EFHC2: variants seen among roughly 807,000 people sequenced by gnomAD.
EFHC2 encodes EF-hand domain-containing family member C2.
In EFHC2, 18 loss-of-function variants were observed where a neutral mutation model predicts 52.7. That is an observed-to-expected ratio of 0.34 (90% CI 0.24 to 0.51). The LOEUF (loss-of-function observed/expected upper bound fraction) is 0.51. EFHC2 is among the 20% of genes least tolerant of loss of function. The probability of loss-of-function intolerance (pLI) is 0.97; values close to 1 mark genes in which losing one functional copy is unlikely to be tolerated. For synonymous variants in EFHC2, 203 were observed against 204.1 expected (o/e 0.99, Z 0.04); for missense variants, 513 against 562.5 (o/e 0.91, Z 0.89).
chrX:44,180,071 G>A (rs1046619135), intron 11 of EFHC2, among the ~76,000 whole-genome samples: 3 of 111,618 alleles, frequency 2.7e-5, no homozygotes, highest in Admixed American at 1.9e-4. Flanking sequence ...ATGTGAACCC[G>A]TGTAGTCTGG....
At chrX:44,333,372 T>C (rs1268254454) in intron 1 of EFHC2, among the ~76,000 whole-genome samples, 1 of 110,905 alleles carries the variant, frequency 9.0e-6, no homozygotes, top group Non-Finnish European at 1.9e-5. Context: ...ATGAGGATGC[T>C]GCTATCAGGC....
At chrX:44,234,048 C>T (rs1447828222) in intron 9 of EFHC2, among the ~76,000 whole-genome samples, 1 of 112,089 alleles carries the variant, frequency 8.9e-6, no homozygotes, top group South Asian at 3.7e-4. Flanking sequence ...TACAGTCTGA[C>T]AGCTCTCCCA....
chrX:44,214,027 C>T (rs1158916491), intron 11 of EFHC2, among the ~76,000 whole-genome samples: 1 of 110,817 alleles, frequency 9.0e-6, no homozygotes, highest in Non-Finnish European at 1.9e-5. Context: ...ACTTCCAAAA[C>T]CAAAATGCAA....
intron 14 of EFHC2, among the ~76,000 whole-genome samples, chrX:44,156,565 C>T (rs766320582): frequency 3.0e-4 from 33 of 111,817 alleles, no homozygotes; most frequent in African/African-American, 1.0e-3. Context: ...TACCCAACTG[C>T]CCCCTACTTC....
intron 1 of EFHC2, among the ~76,000 whole-genome samples, chrX:44,318,123 C>A (rs1222749082): frequency 8.9e-6 from 1 of 112,227 alleles, no homozygotes; most frequent in Non-Finnish European, 1.9e-5. Flanking sequence ...GTGGAAACAT[C>A]CCAAATGTCT....
intron 3 of EFHC2, among the ~76,000 whole-genome samples, chrX:44,264,648 T>C (rs1243889045): frequency 8.9e-6 from 1 of 112,459 alleles, no homozygotes; most frequent in Non-Finnish European, 1.9e-5. Context: ...TCCATATTAA[T>C]CAGAAAACCA....
intron 7 of EFHC2, among the ~76,000 whole-genome samples, chrX:44,247,451 A>G (rs994849679): frequency 3.6e-5 from 4 of 111,744 alleles, no homozygotes; most frequent in African/African-American, 9.8e-5. Context: ...TCCAAGGTTC[A>G]GAAAGAAGTA....
At chrX:44,190,940 C>A (rs1248561295) in intron 11 of EFHC2, among the ~76,000 whole-genome samples, 1 of 111,492 alleles carries the variant, frequency 9.0e-6, no homozygotes, top group Non-Finnish European at 1.9e-5. Context: ...CTGGGACAGG[C>A]TCCAGCCACC....
At chrX:44,184,754 C>T (rs1263177556) in intron 11 of EFHC2, among the ~76,000 whole-genome samples, 1 of 108,623 alleles carries the variant, frequency 9.2e-6, no homozygotes, top group Non-Finnish European at 1.9e-5. Context: ...AGTGTGACCC[C>T]TTCCTCTACA....
In EFHC2 at chrX:44,148,082, T is replaced by G. The variant is rs1246538954; in HGVS notation, c.*713A>C. The G allele has an allele frequency of 3.6e-5, 4 of 111,319 alleles. No individual in the cohort carries two copies. Among genetic ancestry groups the G allele is most frequent in the Non-Finnish European group, 7.5e-5 (4 of 53,071 alleles). 9.2% of individuals were successfully genotyped at this position (111,319 alleles called of 1,213,427 possible). ...ATCTCAAAATCTTCAGCTTTCACATTTGTAAATATTTTAGACATAATAAAG... is the reference window on the plus strand; with the variant it reads ...ATCTCAAAATCTTCAGCTTTCACATGTGTAAATATTTTAGACATAATAAAG... On this transcript the variant is annotated 3_prime_UTR_variant, in exon 15 of 15. Coordinates refer to ENST00000420999, the MANE Select transcript of EFHC2 (RefSeq NM_025184.4).
chrX:44,162,341 T>G (rs1339987050), intron 14 of EFHC2, among the ~76,000 whole-genome samples: 1 of 111,385 alleles, frequency 9.0e-6, no homozygotes, highest in East Asian at 2.8e-4. Flanking sequence ...GAGAATCGCT[T>G]GAACCTGGGA....
chrX:44,149,524 A>C (rs1374797248), intron 14 of EFHC2, among the ~76,000 whole-genome samples: 1 of 111,128 alleles, frequency 9.0e-6, no homozygotes, highest in Non-Finnish European at 1.9e-5. Flanking sequence ...TTATTTTATT[A>C]TTTTTTTTAA....
At chrX:44,196,218 A>G (rs2036965034) in intron 11 of EFHC2, among the ~76,000 whole-genome samples, 1 of 111,584 alleles carries the variant, frequency 9.0e-6, no homozygotes, top group Admixed American at 9.5e-5. Flanking sequence ...CACCCAGCTT[A>G]TAGTTACTTT....
Position 44,323,008 on chromosome X carries a change from G to A in EFHC2, c.43-10252C>T, listed in dbSNP as rs184620514. On this transcript the variant is annotated intron_variant, in intron 1 of 14. Coordinates refer to ENST00000420999, the MANE Select transcript of EFHC2 (RefSeq NM_025184.4). ...AGCCTGGGTGACAGAGCAAGACTCC[G>A]TCTAAAAAAAAAAGGGACCAAGTAT... Among the ~76,000 whole-genome samples, 12 of 109,647 alleles carry A rather than the reference G, an allele frequency of 1.1e-4. No homozygotes were observed. In the East Asian group the frequency reaches 2.6e-3, roughly 24 times the overall value.
intron 11 of EFHC2, among the ~76,000 whole-genome samples, chrX:44,204,550 T>C (rs777432117): frequency 9.0e-6 from 1 of 111,347 alleles, no homozygotes; most frequent in South Asian, 3.8e-4. Context: ...AACAGAACTT[T>C]TGGAATTGAA....
intron 1 of EFHC2, among the ~76,000 whole-genome samples, chrX:44,319,297 C>T (rs974992980): frequency 7.2e-5 from 8 of 111,106 alleles, no homozygotes; most frequent in East Asian, 5.7e-4. Flanking sequence ...GCCACTGCGC[C>T]GGGCACAAAA....
chrX:44,323,412 A>G (rs1484343576), intron 1 of EFHC2, among the ~76,000 whole-genome samples: 1 of 112,361 alleles, frequency 8.9e-6, no homozygotes, highest in South Asian at 3.7e-4. Flanking sequence ...GGAGTATACT[A>G]TGGAGCAGTC....
At chrX:44,322,138 G>A (rs1019150409) in intron 1 of EFHC2, among the ~76,000 whole-genome samples, 55 of 106,046 alleles carry the variant, frequency 5.2e-4, no homozygotes, top group African/African-American at 1.8e-3. Context: ...AATAATACAC[G>A]TGCTCCTTGA....
At chrX:44,289,677 CTTTTTTTTT>C (rs1207899077) in intron 2 of EFHC2, among the ~76,000 whole-genome samples, 1 of 72,295 alleles carries the variant, frequency 1.4e-5, no homozygotes, top group Non-Finnish European at 2.5e-5. Flanking sequence ...TCTTTTCTTT[CTTTTTTTTT>C]TTTTTTTTTT....
Sources: allele counts gnomAD v4.1 joint callset (sites outside exome capture counted in the v4.1 genomes callset), GRCh38; gene constraint gnomAD v4.1.1; transcripts MANE v1.5; gene names NCBI Gene and HGNC (gene_info 2026-07-23, HGNC 2026-07-21).